MAPK13: variants seen among roughly 807,000 people sequenced by gnomAD.
The protein encoded by MAPK13 is MAP kinase 13.
A neutral mutation model predicts 53.5 loss-of-function variants in MAPK13; 39 were observed. The ratio of observed to expected loss-of-function variants is 0.73; its 90% CI spans 0.56 to 0.95. The LOEUF (loss-of-function observed/expected upper bound fraction) is 0.95. MAPK13 is among the 40% of genes least tolerant of loss of function. MAPK13 has a pLI of 0.00. For synonymous variants in MAPK13, 179 were observed against 190.9 expected, an observed-to-expected ratio of 0.94 and a Z score of 0.51; for missense variants, 460 against 471.8, an observed-to-expected ratio of 0.98 and a Z score of 0.23.
In MAPK13 at chr6:36,138,923, C is replaced by A; in HGVS notation, c.886C>A (p.Arg296Ser). 6.2e-7 allele frequency: 1 copy of A among 1,612,208 alleles called. No individual in the cohort carries two copies. ...EKMLELDVDK[R>S]LTAAQALTHP... Reference sequence around the variant, plus strand: ...GATGCTGGAGCTAGACGTGGACAAGCGCCTGACGGCCGCGCAGGCCCTCAC... The same window carrying A: ...GATGCTGGAGCTAGACGTGGACAAGAGCCTGACGGCCGCGCAGGCCCTCAC... The change falls in exon 11 of 12, where the codon CGC becomes AGC. Residue 296 changes from arginine to serine, a missense_variant. Coordinates refer to ENST00000211287, the MANE Select transcript of MAPK13 (RefSeq NM_002754.5).
chr6:36,136,598 G>T (rs1014986500), intron 6 of MAPK13, 58 bp from the exon 7 acceptor site: 1 of 1,604,442 alleles, frequency 6.2e-7, no homozygotes, highest in Non-Finnish European at 8.5e-7. Context: ...CCTGGAAGCC[G>T]CTCCCAGAGC....
intron 11 of MAPK13, 47 bp downstream of exon 11, chr6:36,139,102 C>A: frequency 2.6e-6 from 4 of 1,527,616 alleles, no homozygotes; most frequent in Non-Finnish European, 3.5e-6. Flanking sequence ...TGCAGCCTCT[C>A]TTCCTTGCTT....
Position 36,135,974 on chromosome 6 carries a change from G to A in MAPK13, c.418-45G>A, listed in dbSNP as rs763441475. ...GGTCGGCCAGCCTGAAGTGCCTGGT[G>A]TGGAAGCTGGGCCATGGACTCACCC... is the stretch of plus-strand genomic sequence containing the variant. On this transcript the variant is annotated intron_variant, in intron 4 of 11. Transcript: ENST00000211287. 7.4e-6 allele frequency: 12 copies of A among 1,613,326 alleles called. No homozygotes were observed. In the African/African-American group the frequency reaches 1.1e-4, roughly 14 times the overall value.
rs79798018 is a variant in MAPK13, at chr6:36,138,093, G to A, written c.683-272G>A. On this transcript the variant is annotated intron_variant, in intron 8 of 11. Transcript: ENST00000211287. ...CAGGGCAGGCCTTTGGTGAGAAGAC[G>A]AGGAAACAGAAAAGAGTCACTGGGA... Among the ~76,000 whole-genome samples the A allele has an allele frequency of 8.1e-3, 1,236 of 152,170 alleles. 11 individuals carry two copies. The highest frequency in any genetic ancestry group is 0.013 in the Non-Finnish European group (903 of 67,992).
chr6:36,141,567 C>G lies in MAPK13; in HGVS notation c.*2194C>G, dbSNP rs1365397734. The G allele has an allele frequency of 2.0e-5, 3 of 152,174 alleles. No individual in the cohort carries two copies. Among genetic ancestry groups the G allele is most frequent in the African/African-American group, 7.2e-5 (3 of 41,388 alleles). 9.4% of individuals were successfully genotyped at this position (152,174 alleles called of 1,614,324 possible). On this transcript the variant is annotated 3_prime_UTR_variant, in exon 12 of 12. Coordinates refer to ENST00000211287, the MANE Select transcript of MAPK13 (RefSeq NM_002754.5). ...TGCATGCCTGTAATCCCAAACTACTCGGGAGGCTGAGGCAGAATTGCTTGA... is the reference window on the plus strand; with the variant it reads ...TGCATGCCTGTAATCCCAAACTACTGGGGAGGCTGAGGCAGAATTGCTTGA...
chr6:36,135,328 G>T (rs1303534242), intron 3 of MAPK13, among the ~76,000 whole-genome samples: 2 of 152,152 alleles, frequency 1.3e-5, no homozygotes, highest in African/African-American at 4.8e-5. Flanking sequence ...TAGACATATT[G>T]TTTGTTTGTG....
At chr6:36,135,952 C>A in intron 4 of MAPK13, 67 bp from the exon 5 acceptor site, 1 of 1,604,442 alleles carries the variant, frequency 6.2e-7, no homozygotes, top group Non-Finnish European at 8.5e-7. Flanking sequence ...TGTTACAGGT[C>A]GGCCAGCCTG....
At chr6:36,137,017 ATAAC>A (rs1766431455) in intron 8 of MAPK13, 67 bp downstream of exon 8, 3 of 1,390,468 alleles carry the variant, frequency 2.2e-6, no homozygotes, top group Middle Eastern at 1.8e-4. Context: ...CTTTATTTAA[ATAAC>A]TGTCTTTTTT....
At chr6:36,135,937 C>T (rs745890611) in intron 4 of MAPK13, 76 bp downstream of exon 4, 196 of 1,593,130 alleles carry the variant, frequency 1.2e-4, no homozygotes, top group Non-Finnish European at 1.6e-4. Context: ...CTGGAGGGAG[C>T]GCACTGTTAC....
Position 36,136,694 on chromosome 6 carries a change from G to A in MAPK13, c.534G>A (p.Glu178=), listed in dbSNP as rs1487161455. Residue 178 remains glutamate, a synonymous_variant, in exon 7 of 12, where the codon GAG becomes GAA. Transcript: ENST00000211287. ...DFGLARHADA[E]MTGYVVTRWY... is the part of the protein sequence containing the mutation. ...GGCTGGCGCGACATGCAGACGCCGA[G>A]ATGACTGGCTACGTGGTGACCCGCT... The A allele has an allele frequency of 6.2e-7, 1 of 1,614,120 alleles. No homozygotes were observed. Among genetic ancestry groups the A allele is most frequent in the East Asian group, 2.2e-5 (1 of 44,890 alleles).
At chr6:36,138,465 AG>A (rs1276851929) in intron 9 of MAPK13, 21 bp downstream of exon 9, 21 of 1,611,336 alleles carry the variant, frequency 1.3e-5, no homozygotes, top group Non-Finnish European at 1.7e-5. Context: ...AATGGGACCT[AG>A]GCTGGCCTGG....
intron 3 of MAPK13, among the ~76,000 whole-genome samples, chr6:36,134,905 T>C (rs1198712393): frequency 6.6e-6 from 1 of 152,194 alleles, no homozygotes; most frequent in Non-Finnish European, 1.5e-5. Context: ...TTGTAGCTAC[T>C]CAGGGAAGCT....
chr6:36,139,482 G>A lies in MAPK13; in HGVS notation c.*109G>A. ...ACAGCCTTTCAAGCAGAGGACAGAA[G>A]GGTCCTTCTCCTTATGTGGGAAATG... On this transcript the variant is annotated 3_prime_UTR_variant, in exon 12 of 12. Coordinates refer to ENST00000211287, the MANE Select transcript of MAPK13 (RefSeq NM_002754.5). 3.5e-6 allele frequency: 3 copies of A among 865,574 alleles called. No individual in the cohort carries two copies. The highest frequency in any genetic ancestry group is 3.8e-6 in the Non-Finnish European group (2 of 525,974). The allele number at this position is 865,574 out of a possible 1,614,324, so 53.6% of individuals were successfully genotyped here.
At chr6:36,137,077 A>T in intron 8 of MAPK13, 127 bp downstream of exon 8, 1 of 800,650 alleles carries the variant, frequency 1.2e-6, no homozygotes, top group Non-Finnish European at 2.0e-6. Flanking sequence ...ATAATTTGTA[A>T]ATGCAGATAA....
rs776380247 is a variant in MAPK13 at position 36,139,067 on chromosome 6, G to A, written c.1018+12G>A. On this transcript the variant is annotated intron_variant, in intron 11 of 11. Coordinates refer to ENST00000211287, the MANE Select transcript of MAPK13 (RefSeq NM_002754.5). ...GGATGAATGGAAGCGTAAGAGCTGGGGCCTCGGGCTTCCTCGCCTCCGCCT... is the reference window on the plus strand; with the variant it reads ...GGATGAATGGAAGCGTAAGAGCTGGAGCCTCGGGCTTCCTCGCCTCCGCCT... The A allele has an allele frequency of 1.2e-5, 19 of 1,568,278 alleles. No homozygotes were observed. Among genetic ancestry groups the A allele is most frequent in the Non-Finnish European group, 8.6e-7 (1 of 1,158,000 alleles).
At chr6:36,131,132 C>A in intron 1 of MAPK13, 139 bp from the exon 2 acceptor site, 1 of 986,478 alleles carries the variant, frequency 1.0e-6, no homozygotes, top group Non-Finnish European at 1.4e-6. Flanking sequence ...CCCTGCCCTG[C>A]GTCCCGCGGC....
rs551856316 is a variant in MAPK13 at position 36,138,883 on chromosome 6, G to A, written c.846G>A (p.Ala282=). The A allele has an allele frequency of 1.7e-5, 27 of 1,610,372 alleles. No homozygotes were observed. Among genetic ancestry groups the A allele is most frequent in the African/African-American group, 8.0e-5 (6 of 74,848 alleles). ...CTCTTGGCTCTGCCCCTGCAGCTGCGGACCTGCTGGAGAAGATGCTGGAGC... is the reference window on the plus strand; with the variant it reads ...CTCTTGGCTCTGCCCCTGCAGCTGCAGACCTGCTGGAGAAGATGCTGGAGC... ...QLFPRASPQA[A]DLLEKMLELD... Residue 282 remains alanine (A), a synonymous_variant, in exon 11 of 12, where the codon GCG becomes GCA. Transcript: ENST00000211287.
rs1766407044 is a variant in MAPK13, at chr6:36,135,872, A to T, written c.417+11A>T. On this transcript the variant is annotated intron_variant, in intron 4 of 11. Coordinates refer to ENST00000211287, the MANE Select transcript of MAPK13 (RefSeq NM_002754.5). ...CTCAAAGGCCTTAAGGTGGGTGGGG[A>T]CTTGGAGGCTGGCAGAGGGGACGCC... is the stretch of plus-strand genomic sequence containing the variant. 2 of 1,608,558 alleles carry T rather than the reference A, an allele frequency of 1.2e-6. No homozygotes were observed. Among genetic ancestry groups the T allele is most frequent in the South Asian group, 1.1e-5 (1 of 90,912 alleles).
rs751852929 is a variant in MAPK13 at position 36,131,400 on chromosome 6, C to G, written c.249C>G (p.Asn83Lys). The G allele has an allele frequency of 1.9e-6, 3 of 1,611,626 alleles. No homozygotes were observed. Among genetic ancestry groups the G allele is most frequent in the Admixed American group, 3.3e-5 (2 of 59,864 alleles). The change falls in exon 2 of 12, where the codon AAC (asparagine) becomes AAG (lysine). Residue 83 changes from asparagine to lysine, a missense_variant and splice_region_variant. By Grantham distance (94) the Asn-to-Lys change is moderately conservative. Coordinates refer to ENST00000211287, the MANE Select transcript of MAPK13 (RefSeq NM_002754.5). ...LLLLKHMQHE[N>K]VIGLLDVFTP... ...TGCTGAAGCACATGCAGCATGAGAA[C>G]GTAGGTGGTGGCTGCCCCGGGGAGG... is the stretch of plus-strand genomic sequence containing the variant.
Sources: allele counts gnomAD v4.1 joint callset (sites outside exome capture counted in the v4.1 genomes callset), GRCh38; gene constraint gnomAD v4.1.1; transcripts MANE v1.5; gene names NCBI Gene and HGNC (gene_info 2026-07-23, HGNC 2026-07-21).